CSMD1: variants seen among roughly 807,000 people sequenced by gnomAD.
CSMD1 encodes CUB and Sushi multiple domains 1, also known as CUB and sushi domain-containing protein 1.
CSMD1 carries 213 observed loss-of-function variants against 417.5 expected under a neutral mutation model. The observed-to-expected ratio is 0.51, with a 90% confidence interval of 0.46 to 0.57. The LOEUF (loss-of-function observed/expected upper bound fraction) is 0.57. Among genes scored for constraint, CSMD1 ranks in the 20% least tolerant of loss-of-function variants. The pLI is 0.00. For synonymous variants in CSMD1, 2,862 were observed against 1,736.8 expected, an observed-to-expected ratio of 1.65 and a Z score of -16.11; for missense variants, 6,923 against 4,529.7, an observed-to-expected ratio of 1.53 and a Z score of -15.17.
At chr8:3,102,250 T>C (rs1815808594) in intron 46 of CSMD1, among the ~76,000 whole-genome samples, 1 of 152,156 alleles carries the variant, frequency 6.6e-6, no homozygotes, top group Non-Finnish European at 1.5e-5. Flanking sequence ...AATTAAGTGA[T>C]TCAGTGATTA....
At chr8:3,926,104 C>G (rs868429886) in intron 5 of CSMD1, among the ~76,000 whole-genome samples, 14 of 41,682 alleles carry the variant, frequency 3.4e-4, no homozygotes, top group African/African-American at 1.7e-3. Flanking sequence ...CACACACACA[C>G]ACACACACAC....
chr8:4,670,851 T>A (rs539948318), intron 1 of CSMD1, among the ~76,000 whole-genome samples: 2 of 152,158 alleles, frequency 1.3e-5, no homozygotes, highest in Non-Finnish European at 2.9e-5. Context: ...AAGAACGTGT[T>A]TGTGTTTGGT....
intron 5 of CSMD1, among the ~76,000 whole-genome samples, chr8:3,769,684 T>A (rs112401233): frequency 0.011 from 1,746 of 152,286 alleles, 27 homozygotes; most frequent in Non-Finnish European, 0.017. Context: ...ATATATATGA[T>A]GTGTGAATTC....
intron 3 of CSMD1, among the ~76,000 whole-genome samples, chr8:4,216,932 G>A (rs535423095): frequency 6.6e-6 from 1 of 152,164 alleles, no homozygotes; most frequent in African/African-American, 2.4e-5. Context: ...AAAGCCAACA[G>A]CTCCAACAAA....
intron 68 of CSMD1, among the ~76,000 whole-genome samples, chr8:2,947,218 T>C (rs1440969809): frequency 4.6e-5 from 7 of 152,216 alleles, no homozygotes; most frequent in Non-Finnish European, 7.3e-5. Context: ...CAGTTTATTG[T>C]TGAGTTTCTT....
chr8:4,795,692 G>A (rs1272953597), intron 1 of CSMD1, among the ~76,000 whole-genome samples: 2 of 152,072 alleles, frequency 1.3e-5, no homozygotes, highest in South Asian at 4.2e-4. Context: ...TCTGTGAACT[G>A]GGATCCGCAG....
intron 3 of CSMD1, among the ~76,000 whole-genome samples, chr8:4,068,619 T>C (rs987634774): frequency 6.6e-6 from 1 of 152,176 alleles, no homozygotes; most frequent in Non-Finnish European, 1.5e-5. Context: ...CTAGTTCATA[T>C]AATGTTACCA....
chr8:4,366,823 G>C lies in CSMD1; in HGVS notation c.415+53130C>G, dbSNP rs150483405. Among the ~76,000 whole-genome samples, 205 of 152,126 alleles carry C rather than the reference G, an allele frequency of 1.3e-3. 4 individuals are homozygous for C. The East Asian group carries it at 0.027, about 20-fold the overall frequency. On this transcript the variant is annotated intron_variant, in intron 3 of 69. Coordinates refer to ENST00000635120, the MANE Select transcript of CSMD1 (RefSeq NM_033225.6). Reference sequence around the variant, plus strand: ...GCTGCACCCATTAACTCGTCATTTGGTTTGCTGGCTGCTTGTTTATCTTCT... The same window carrying C: ...GCTGCACCCATTAACTCGTCATTTGCTTTGCTGGCTGCTTGTTTATCTTCT...
chr8:3,190,480 C>T (rs1390047913), intron 33 of CSMD1, among the ~76,000 whole-genome samples: 1 of 152,132 alleles, frequency 6.6e-6, no homozygotes, highest in African/African-American at 2.4e-5. Flanking sequence ...AATCATCCTG[C>T]TAGTGATAAT....
At chr8:4,320,426 G>A (rs1585225545) in intron 3 of CSMD1, among the ~76,000 whole-genome samples, 1 of 151,978 alleles carries the variant, frequency 6.6e-6, no homozygotes, top group Non-Finnish European at 1.5e-5. Context: ...TGTGACATAG[G>A]TAGACACGTG....
intron 1 of CSMD1, among the ~76,000 whole-genome samples, chr8:4,876,429 G>A (rs1457640598): frequency 6.6e-6 from 1 of 152,038 alleles, no homozygotes; most frequent in Non-Finnish European, 1.5e-5. Context: ...TTTTTGTAAA[G>A]ATCTTTACTT....
intron 5 of CSMD1, among the ~76,000 whole-genome samples, chr8:3,768,107 C>A (rs114967728): frequency 2.9e-3 from 438 of 152,126 alleles, no homozygotes; most frequent in African/African-American, 0.01. Flanking sequence ...TAAAGACAGG[C>A]CAAAATGTGT....
intron 5 of CSMD1, among the ~76,000 whole-genome samples, chr8:3,755,904 A>T (rs1473229440): frequency 6.6e-6 from 1 of 152,100 alleles, no homozygotes; most frequent in Non-Finnish European, 1.5e-5. Flanking sequence ...ACTCCAAGGC[A>T]TATTTAATCA....
chr8:3,556,052 G>C (rs1312057720), intron 10 of CSMD1, among the ~76,000 whole-genome samples: 2 of 151,940 alleles, frequency 1.3e-5, no homozygotes, highest in East Asian at 3.9e-4. Flanking sequence ...TTAACTTTTC[G>C]CTCTAGATGT....
chr8:3,230,500 T>A (rs1798772604), intron 26 of CSMD1, among the ~76,000 whole-genome samples: 1 of 152,070 alleles, frequency 6.6e-6, no homozygotes, highest in Admixed American at 6.6e-5. Context: ...AAAACAAAAA[T>A]TACATTATCC....
chr8:3,941,806 G>T (rs1015634272), intron 5 of CSMD1, among the ~76,000 whole-genome samples: 1 of 151,966 alleles, frequency 6.6e-6, no homozygotes, highest in Non-Finnish European at 1.5e-5. Context: ...TCCCTCATAC[G>T]CAAGGAAAAA....
intron 3 of CSMD1, among the ~76,000 whole-genome samples, chr8:4,142,796 G>T (rs912552968): frequency 6.6e-6 from 1 of 150,994 alleles, no homozygotes. Flanking sequence ...ACAAAGTCTC[G>T]TATTTATTTT....
chr8:3,242,308 G>A (rs1194429953), intron 26 of CSMD1, among the ~76,000 whole-genome samples: 1 of 150,268 alleles, frequency 6.7e-6, no homozygotes, highest in Non-Finnish European at 1.5e-5. Flanking sequence ...GGAGAGGTCA[G>A]ATGGGGCTGT....
Position 3,520,006 on chromosome 8 carries a change from G to T in CSMD1, c.1345-26280C>A, listed in dbSNP as rs530204396. Among the ~76,000 whole-genome samples the T allele has an allele frequency of 3.8e-5, 5 of 130,208 alleles. No homozygotes were observed. In the Admixed American group the frequency reaches 3.8e-4, roughly 10 times the overall value. The allele number at this position is 130,208 out of a possible 152,430, so 85.4% of individuals were successfully genotyped here. On this transcript the variant is annotated intron_variant, in intron 10 of 69. Coordinates refer to ENST00000635120, the MANE Select transcript of CSMD1 (RefSeq NM_033225.6). Reference sequence around the variant, plus strand: ...TTTATCTGTGTGCATATATATGTGTGTGTGTGTATATACCTATATATATAT... The same window carrying T: ...TTTATCTGTGTGCATATATATGTGTTTGTGTGTATATACCTATATATATAT...
Sources: gnomAD v4.1 joint callset for allele counts (sites outside exome capture counted in the v4.1 genomes callset) on GRCh38, gnomAD v4.1.1 for gene constraint, MANE v1.5 for transcripts, NCBI Gene and HGNC (gene_info 2026-07-23, HGNC 2026-07-21) for gene names.